Variants in CELSR1 observed in about 807,000 individuals in gnomAD.
The protein encoded by CELSR1 is cadherin EGF LAG seven-pass G-type receptor 1.
CELSR1 carries 110 observed loss-of-function variants against 249.1 expected under a neutral mutation model. The ratio of observed to expected loss-of-function variants is 0.44; its 90% CI spans 0.38 to 0.52. The LOEUF (loss-of-function observed/expected upper bound fraction) is 0.52. Among genes scored for constraint, CELSR1 ranks in the 20% least tolerant of loss-of-function variants. The pLI is 0.00. For missense variants in CELSR1, 4,109 were observed against 4,296.4 expected (o/e 0.96, Z 1.22); for synonymous variants, 2,113 against 1,900.0 (o/e 1.11, Z -2.92).
At chr22:46,418,504 A>G (rs545826193) in intron 5 of CELSR1, among the ~76,000 whole-genome samples, 30 of 152,298 alleles carry the variant, frequency 2.0e-4, no homozygotes, top group African/African-American at 7.0e-4. Context: ...AAATAAATAA[A>G]TTAAAATAAA....
chr22:46,364,843 G>T, intron 32 of CELSR1, 107 bp from the exon 33 acceptor site: 2 of 1,105,962 alleles, frequency 1.8e-6, no homozygotes, highest in South Asian at 1.5e-5. Flanking sequence ...CAACCTGCAG[G>T]CCTGGTAGGG....
Position 46,533,833 on chromosome 22 carries a change from G to A in CELSR1, c.3338C>T (p.Thr1113Ile). 6 of 1,613,936 alleles carry A rather than the reference G, an allele frequency of 3.7e-6. No individual in the cohort carries two copies. Among genetic ancestry groups the A allele is most frequent in the Non-Finnish European group, 3.4e-6 (4 of 1,180,032 alleles). ...GGTGGGGAAACTGTTGGACTTGTTG[G>A]TGACATAGTTGTTGAAGAGGATCTG... The part of the protein sequence containing the change: ...DFQILFNNYV[T>I]NKSNSFPTGV... The change falls in exon 1 of 35, where the codon ACC (threonine) becomes ATC (isoleucine). Residue 1113 changes from threonine (T) to isoleucine (I), a missense_variant. By Grantham distance (89) the Thr-to-Ile change is moderately conservative. Around this residue, in one of 7 missense-constraint regions of CELSR1, gnomAD observed 886 missense variants for 896.5 expected, o/e 0.99. Transcript: ENST00000674500.
In CELSR1 at chr22:46,365,805, G is replaced by A. The variant is rs151174785; in HGVS notation, c.8301-116C>T. 3.6e-3 allele frequency: 1,293 copies of A among 363,422 alleles called. 23 individuals carry two copies. The highest frequency in any genetic ancestry group is 0.013 in the East Asian group (189 of 14,732). The allele number at this position is 363,422 out of a possible 1,614,324, so 22.5% of individuals were successfully genotyped here. Reference sequence around the variant, plus strand: ...CTTCTGTGTTCCCAACAACAGCACAGACAAAACAGCCTCCCGAGTATGTGG... The same window carrying A: ...CTTCTGTGTTCCCAACAACAGCACAAACAAAACAGCCTCCCGAGTATGTGG... On this transcript the variant is annotated intron_variant, in intron 30 of 34. Transcript: ENST00000674500.
At chr22:46,519,714 C>G (rs2147789251) in intron 1 of CELSR1, among the ~76,000 whole-genome samples, 1 of 152,282 alleles carries the variant, frequency 6.6e-6, no homozygotes, top group Admixed American at 6.5e-5. Context: ...CTGGACCCTG[C>G]TCAGGTGCCG....
At position 46,399,445 on chromosome 22, in the gene CELSR1, T is replaced by C. The variant is rs531213610; in HGVS notation, c.5412+272A>G. Among the ~76,000 whole-genome samples the C allele has an allele frequency of 4.7e-4, 71 of 152,316 alleles. No homozygotes were observed. Among genetic ancestry groups the C allele is most frequent in the African/African-American group, 1.6e-3 (66 of 41,576 alleles). ...AGATGGCTTTGCTAAAAGAAACCAC[T>C]GCTGAAGGCACCAACAGCATCATGA... is the stretch of plus-strand genomic sequence containing the variant. On this transcript the variant is annotated intron_variant, in intron 10 of 34. Transcript: ENST00000674500. This position sits in a 1 kb window ranked among gnomAD's most constrained non-coding sequence, Gnocchi z 5.0.
intron 1 of CELSR1, among the ~76,000 whole-genome samples, chr22:46,489,315 A>G (rs926599347): frequency 6.6e-6 from 1 of 151,590 alleles, no homozygotes; most frequent in Non-Finnish European, 1.5e-5. Flanking sequence ...CTCTCTGACG[A>G]GGGCACTTTT....
In CELSR1 at chr22:46,409,461, C is replaced by T. The variant is rs1039201767; in HGVS notation, c.5059+294G>A. Among the ~76,000 whole-genome samples, 1 of 152,090 alleles carries T rather than the reference C, an allele frequency of 6.6e-6. No individual in the cohort carries two copies. The highest frequency in any genetic ancestry group is 2.4e-5 in the African/African-American group (1 of 41,424). On this transcript the variant is annotated intron_variant, in intron 8 of 34. Coordinates refer to ENST00000674500, the MANE Select transcript of CELSR1 (RefSeq NM_001378328.1). The surrounding 1 kb of genome is among the most constrained non-coding windows in gnomAD (Gnocchi z 9.8). Reference sequence around the variant, plus strand: ...AGGCTTGACAGGAGGCAGACGGGGGCGGGTTCAGGATCCCTGGGCTCCGTG... The same window carrying T: ...AGGCTTGACAGGAGGCAGACGGGGGTGGGTTCAGGATCCCTGGGCTCCGTG...
rs2080844792 is a variant in CELSR1 at position 46,535,641 on chromosome 22, G to GT, written c.1529dup (p.His510GlnfsTer26). On this transcript the variant is annotated frameshift_variant, in exon 1 of 35. Transcript: ENST00000674500. LOFTEE classifies it high-confidence loss of function. ...TCACATCCAGGATCCCGCTCAGCGA[G>GT]TGCAGGTAGAACTGGCCGGCCACGT... The GT allele has an allele frequency of 6.2e-7, 1 of 1,613,282 alleles. No individual in the cohort carries two copies. The highest frequency in any genetic ancestry group is 8.5e-7 in the Non-Finnish European group (1 of 1,180,052).
At chr22:46,368,120 G>A (rs556556540) in intron 27 of CELSR1, among the ~76,000 whole-genome samples, 11 of 152,164 alleles carry the variant, frequency 7.2e-5, no homozygotes, top group South Asian at 4.1e-4. Flanking sequence ...GAGCTGTGAG[G>A]ACTACACCAG....
At position 46,534,096 on chromosome 22, in the gene CELSR1, G is replaced by A. The variant is rs2080822457; in HGVS notation, c.3075C>T (p.Asp1025=). Residue 1025 remains aspartate, a synonymous_variant, in exon 1 of 35, where the codon GAC becomes GAT. Transcript: ENST00000674500. The surrounding 1 kb of genome is among the most constrained non-coding windows in gnomAD (Gnocchi z 9.7). ...TCTGGGCATTAGGGCCTTCATCAGGGTCGTTAGCACGAATCTTTGCCACCA... is the reference window on the plus strand; with the variant it reads ...TCTGGGCATTAGGGCCTTCATCAGGATCGTTAGCACGAATCTTTGCCACCA... The part of the protein sequence containing the change: ...GSVVAKIRAN[D]PDEGPNAQIM... 1.2e-6 allele frequency: 2 copies of A among 1,613,770 alleles called. No homozygotes were observed. The highest frequency in any genetic ancestry group is 1.1e-5 in the South Asian group (1 of 91,086).
intron 5 of CELSR1, among the ~76,000 whole-genome samples, chr22:46,420,443 T>C (rs1350025988): frequency 6.6e-6 from 1 of 151,620 alleles, no homozygotes; most frequent in Non-Finnish European, 1.5e-5. Flanking sequence ...CCCACACACA[T>C]GCATACTCAC....
intron 19 of CELSR1, among the ~76,000 whole-genome samples, chr22:46,386,115 A>G (rs1602057968): frequency 1.3e-5 from 2 of 151,914 alleles, no homozygotes; most frequent in African/African-American, 4.8e-5. Context: ...GATTACAGGC[A>G]TGCACCACCA....
chr22:46,420,856 G>C (rs1418895355), intron 5 of CELSR1, among the ~76,000 whole-genome samples: 1 of 152,168 alleles, frequency 6.6e-6, no homozygotes, highest in Non-Finnish European at 1.5e-5. Flanking sequence ...ATAAGGTGAA[G>C]GTGGGGAGAG....
At chr22:46,510,347 C>G (rs1001471165) in intron 1 of CELSR1, among the ~76,000 whole-genome samples, 1 of 152,094 alleles carries the variant, frequency 6.6e-6, no homozygotes, top group East Asian at 1.9e-4. Context: ...ACCCCCTTTC[C>G]GAGCCACGGA....
chr22:46,391,799 G>A lies in CELSR1; in HGVS notation c.5982C>T (p.Leu1994=). Reference sequence around the variant, plus strand: ...AGGGCAGACAGGTGTCCTGGGCTAGGAGCTTGTAGTAATTCTCCTGCAAAA... The same window carrying A: ...AGGGCAGACAGGTGTCCTGGGCTAGAAGCTTGTAGTAATTCTCCTGCAAAA... The part of the protein sequence containing the change: ...QCQCKENYYK[L]LAQDTCLPCD... Residue 1994 remains leucine (L), a synonymous_variant, in exon 15 of 35, where the codon CTC becomes CTT. Transcript: ENST00000674500. The surrounding 1 kb of genome is among the most constrained non-coding windows in gnomAD (Gnocchi z 4.3). 1.9e-6 allele frequency: 3 copies of A among 1,610,640 alleles called. No individual in the cohort carries two copies. Among genetic ancestry groups the A allele is most frequent in the Non-Finnish European group, 2.5e-6 (3 of 1,179,246 alleles).
At chr22:46,389,933 T>C (rs990304950) in intron 17 of CELSR1, among the ~76,000 whole-genome samples, 9 of 151,874 alleles carry the variant, frequency 5.9e-5, no homozygotes, top group African/African-American at 1.5e-4. Context: ...GCTTAGGAGA[T>C]AGAGTGAGAC....
At chr22:46,460,004 T>C (rs370108381) in intron 2 of CELSR1, among the ~76,000 whole-genome samples, 2 of 152,162 alleles carry the variant, frequency 1.3e-5, no homozygotes, top group East Asian at 1.9e-4. Flanking sequence ...GTCAGGAGTT[T>C]GAGACCAGCC....
At chr22:46,470,022 G>T (rs2080139982) in intron 1 of CELSR1, among the ~76,000 whole-genome samples, 1 of 63,996 alleles carries the variant, frequency 1.6e-5, no homozygotes, top group Non-Finnish European at 3.2e-5. Context: ...GGCCAGAGAA[G>T]TATGGTGTCA....
intron 5 of CELSR1, among the ~76,000 whole-genome samples, chr22:46,425,513 G>C (rs1295841346): frequency 2.6e-5 from 4 of 152,186 alleles, no homozygotes; most frequent in African/African-American, 9.7e-5. Context: ...AGTTGTAGTA[G>C]TTTGTGTTTT....
Sources: allele counts gnomAD v4.1 joint callset (sites outside exome capture counted in the v4.1 genomes callset), GRCh38; gene constraint gnomAD v4.1.1; regional missense constraint gnomAD v4.1.1; non-coding constraint Gnocchi (gnomAD v3.1); transcripts MANE v1.5; gene names NCBI Gene and HGNC (gene_info 2026-07-23, HGNC 2026-07-21).